ARL10: variants seen among roughly 807,000 people sequenced by gnomAD.
The protein encoded by ARL10 is ARF like GTPase 10.
In ARL10, 23 loss-of-function variants were observed where a neutral mutation model predicts 26.1. The observed-to-expected ratio is 0.88, with a 90% CI of 0.63 to 1.25. The LOEUF (loss-of-function observed/expected upper bound fraction) is 1.25. ARL10 is among the 50% of genes most tolerant of loss of function. The pLI is 0.00. For missense variants in ARL10, 300 were observed against 323.6 expected (o/e 0.93, Z 0.56); for synonymous variants, 138 against 149.1 (o/e 0.93, Z 0.54).
downstream of ARL10, chr5:176,388,783 C>T (rs765010863): frequency 3.9e-5 from 62 of 1,602,392 alleles, 1 homozygote; most frequent in South Asian, 6.8e-4. Flanking sequence ...AGGCTGAGGT[C>T]GGAGTCCCGA....
At chr5:176,409,649 C>T in the ARL10 span, among the ~76,000 whole-genome samples, 6 of 151,892 alleles carry the variant, frequency 4.0e-5, no homozygotes, top group African/African-American at 1.2e-4. Context: ...TCTGACCTCA[C>T]GTGATCCACC....
Position 176,377,687 on chromosome 5 carries a change from C to T in ARL10, c.*5792C>T, listed in dbSNP as rs1561776879. 1 of 152,222 alleles carries T rather than the reference C, an allele frequency of 6.6e-6. No individual in the cohort carries two copies. The highest frequency in any genetic ancestry group is 1.5e-5 in the Non-Finnish European group (1 of 68,054). 9.4% of individuals were successfully genotyped at this position (152,222 alleles called of 1,614,324 possible). On this transcript the variant is annotated 3_prime_UTR_variant, in exon 4 of 4. Transcript: ENST00000310389. This position sits in a 1 kb window ranked among gnomAD's most constrained non-coding sequence, Gnocchi z 4.5. ...AGATATTGGTTATAACCCATTTCAGCATTTTACAGTGGTCACACTATCAGT... is the reference window on the plus strand; with the variant it reads ...AGATATTGGTTATAACCCATTTCAGTATTTTACAGTGGTCACACTATCAGT...
At chr5:176,397,781 T>A in intron 1 of ARL10, 1 of 1,542,816 alleles carries the variant, frequency 6.5e-7, no homozygotes, top group Non-Finnish European at 9.0e-7. Flanking sequence ...CCGGCCGCGC[T>A]CCTCCCCTGG....
At chr5:176,369,288 A>G (rs759714590) in intron 3 of ARL10, 31 of 1,171,498 alleles carry the variant, frequency 2.6e-5, no homozygotes, top group Non-Finnish European at 3.4e-5. Flanking sequence ...GCTGGAATGC[A>G]GTGGTGTGAT....
chr5:176,389,413 G>A (rs61742004), downstream of ARL10: 4 of 1,614,040 alleles, frequency 2.5e-6, no homozygotes, highest in African/African-American at 5.3e-5. Context: ...AGCTCATGAT[G>A]CGCACCCGGA....
At chr5:176,370,285 AACC>A (rs1398780132) in intron 3 of ARL10, among the ~76,000 whole-genome samples, 1 of 152,142 alleles carries the variant, frequency 6.6e-6, no homozygotes, top group East Asian at 1.9e-4. Flanking sequence ...TCCTCCTCTT[AACC>A]AGTGTGCTGT....
chr5:176,396,605 TTA>T (rs1756535946), intron 1 of ARL10: 9 of 1,070,590 alleles, frequency 8.4e-6, no homozygotes, highest in African/African-American at 6.3e-5. Flanking sequence ...AGGCAGAAGG[TTA>T]GAGAGAGAGA....
downstream of ARL10, chr5:176,406,458 C>A: frequency 8.5e-7 from 1 of 1,182,720 alleles, no homozygotes; most frequent in South Asian, 1.6e-5. Flanking sequence ...CCACATCCTT[C>A]TTTGGGATTG....
chr5:176,366,605 T>G (rs1388240800), intron 2 of ARL10, 24 bp downstream of exon 2: 1 of 1,611,266 alleles, frequency 6.2e-7, no homozygotes, highest in Non-Finnish European at 8.5e-7. Context: ...CTACCCCATC[T>G]CCCCGTCTCC....
Position 176,371,826 on chromosome 5 carries a change from T to TG in ARL10, c.667dup (p.Ala223GlyfsTer6). On this transcript the variant is annotated frameshift_variant, in exon 4 of 4. Coordinates refer to ENST00000310389, the MANE Select transcript of ARL10 (RefSeq NM_173664.6). LOFTEE classifies it high-confidence loss of function. ...TCCTCTTGGCAGCCAGCATTGCCCCTGCAGGACCCACCTTTGAAGAGCCTG... is the reference window on the plus strand; with the variant it reads ...TCCTCTTGGCAGCCAGCATTGCCCCTGGCAGGACCCACCTTTGAAGAGCCTG... 1 of 1,614,214 alleles carries TG rather than the reference T, an allele frequency of 6.2e-7. No homozygotes were observed. Among genetic ancestry groups the TG allele is most frequent in the East Asian group, 2.2e-5 (1 of 44,870 alleles).
At chr5:176,406,033 C>T (rs767250033), downstream of ARL10, 2 of 511,686 alleles carry the variant, frequency 3.9e-6, no homozygotes, top group African/African-American at 4.2e-5. Flanking sequence ...CAGGCAAAGC[C>T]CCGAGAAGCA....
At chr5:176,400,454 C>T (rs1479624950) in intron 1 of ARL10, among the ~76,000 whole-genome samples, 1 of 152,094 alleles carries the variant, frequency 6.6e-6, no homozygotes, top group Non-Finnish European at 1.5e-5. Flanking sequence ...TCCCTGACTC[C>T]CAGGCAGGGG....
At chr5:176,400,779 T>C (rs915828884) in intron 1 of ARL10, among the ~76,000 whole-genome samples, 2 of 152,196 alleles carry the variant, frequency 1.3e-5, no homozygotes, top group Non-Finnish European at 2.9e-5. Flanking sequence ...CAGGAGTGTC[T>C]GGCACACTCT....
chr5:176,368,865 G>A lies in ARL10; in HGVS notation c.444G>A (p.Val148=). The A allele has an allele frequency of 1.2e-6, 2 of 1,614,216 alleles. No homozygotes were observed. The highest frequency in any genetic ancestry group is 1.1e-5 in the South Asian group (1 of 91,084). The change falls in exon 3 of 4, where the codon GTG becomes GTA. Residue 148 remains valine (V), a synonymous_variant. Transcript: ENST00000310389. The surrounding 1 kb of genome is among the most constrained non-coding windows in gnomAD (Gnocchi z 4.1). ...YWKEFVSEVD[V]LVFVVDSADR... Reference sequence around the variant, plus strand: ...AGGAGTTTGTGAGCGAGGTGGATGTGCTGGTGTTTGTGGTGGACTCGGCTG... The same window carrying A: ...AGGAGTTTGTGAGCGAGGTGGATGTACTGGTGTTTGTGGTGGACTCGGCTG...
At chr5:176,401,346 A>G (rs13182101) in intron 1 of ARL10, among the ~76,000 whole-genome samples, 14,073 of 152,290 alleles carry the variant, frequency 0.092, 768 homozygotes, top group African/African-American at 0.12. Context: ...GAAGTTGGAA[A>G]TAAAAATAAA....
chr5:176,386,910 C>T, intron 1 of ARL10: 2 of 1,613,976 alleles, frequency 1.2e-6, no homozygotes, highest in South Asian at 1.1e-5. Flanking sequence ...TGGCCTTCAC[C>T]TGCAGAGAAC....
At chr5:176,406,255 T>C, downstream of ARL10, 1 of 1,029,694 alleles carries the variant, frequency 9.7e-7, no homozygotes, top group Non-Finnish European at 1.2e-6. Context: ...TCCCAAGCTC[T>C]GGAGAGAGAA....
chr5:176,390,182 CAA>C (rs60632467), downstream of ARL10, among the ~76,000 whole-genome samples: 10,053 of 64,748 alleles, frequency 0.16, 301 homozygotes, highest in South Asian at 0.22. Context: ...AACTCCATCT[CAA>C]AAAAAAAAAA....
At chr5:176,384,412 G>A, downstream of ARL10, 1 of 1,580,944 alleles carries the variant, frequency 6.3e-7, no homozygotes, top group Non-Finnish European at 8.6e-7. Context: ...GGGCTAGACA[G>A]GCAAAGGCTC....
Sources: gnomAD v4.1 joint callset for allele counts (sites outside exome capture counted in the v4.1 genomes callset) on GRCh38, gnomAD v4.1.1 for gene constraint, Gnocchi (gnomAD v3.1) non-coding constraint, MANE v1.5 for transcripts, NCBI Gene and HGNC (gene_info 2026-07-23, HGNC 2026-07-21) for gene names.